Variants in ERC1 observed in about 807,000 individuals in gnomAD.
The protein encoded by ERC1 is RAB6 interacting protein 2.
A neutral mutation model predicts 132.0 loss-of-function variants in ERC1; 56 were observed. That is an observed-to-expected ratio of 0.42 (90% CI 0.34 to 0.53). The LOEUF is 0.53. Ranked by LOEUF, ERC1 falls within the 20% of genes least tolerant of loss-of-function variation. The pLI is 0.03. For missense variants in ERC1, 1,202 were observed against 1,349.9 expected (o/e 0.89, Z 1.72); for synonymous variants, 478 against 476.1 (o/e 1.00, Z -0.05).
intron 18 of ERC1, among the ~76,000 whole-genome samples, chr12:1,468,905 C>T (rs909164323): frequency 2.6e-5 from 4 of 152,172 alleles, no homozygotes; most frequent in Admixed American, 2.6e-4. Context: ...CCACTACTTC[C>T]CTGTGCAACC....
intron 12 of ERC1, among the ~76,000 whole-genome samples, chr12:1,215,528 C>A (rs114421970): frequency 6.6e-6 from 1 of 152,066 alleles, no homozygotes; most frequent in African/African-American, 2.4e-5. Context: ...TACAGTATTA[C>A]AATTTATCAG....
At chr12:1,156,617 G>A (rs921636536) in intron 8 of ERC1, among the ~76,000 whole-genome samples, 3 of 152,098 alleles carry the variant, frequency 2.0e-5, no homozygotes. Context: ...GTAAAATGTC[G>A]ATAGCTGTTT....
At chr12:1,320,175 C>G (rs758511413) in intron 15 of ERC1, among the ~76,000 whole-genome samples, 1 of 152,124 alleles carries the variant, frequency 6.6e-6, no homozygotes, top group Non-Finnish European at 1.5e-5. Flanking sequence ...TAAAGAAAAT[C>G]ATTATACTTG....
intron 18 of ERC1, chr12:1,481,022 A>G: frequency 1.6e-6 from 1 of 609,534 alleles, no homozygotes; most frequent in Middle Eastern, 2.7e-4. Context: ...TTCTATACAT[A>G]TATACCTGAG....
At chr12:1,384,775 G>T (rs2089132499) in intron 16 of ERC1, among the ~76,000 whole-genome samples, 1 of 152,190 alleles carries the variant, frequency 6.6e-6, no homozygotes, top group South Asian at 2.1e-4. Context: ...TTGGTTTTCA[G>T]GGTAGAGATG....
chr12:1,035,020 C>G (rs1322121212), intron 2 of ERC1, among the ~76,000 whole-genome samples: 1 of 152,162 alleles, frequency 6.6e-6, no homozygotes, highest in Non-Finnish European at 1.5e-5. Flanking sequence ...GTAATTACTA[C>G]ACAATCCTAA....
At chr12:1,273,756 C>T (rs1422674737) in intron 14 of ERC1, among the ~76,000 whole-genome samples, 1 of 151,876 alleles carries the variant, frequency 6.6e-6, no homozygotes, top group Non-Finnish European at 1.5e-5. Flanking sequence ...GATGGATGGT[C>T]GGTCAGTCAG....
At chr12:1,281,247 A>G (rs933939129) in intron 14 of ERC1, among the ~76,000 whole-genome samples, 1 of 152,212 alleles carries the variant, frequency 6.6e-6, no homozygotes, top group Non-Finnish European at 1.5e-5. Flanking sequence ...TTAAACTAAG[A>G]AGGAAATTTC....
chr12:1,389,229 G>A (rs534484747), intron 16 of ERC1, among the ~76,000 whole-genome samples: 8 of 152,258 alleles, frequency 5.3e-5, no homozygotes, highest in South Asian at 4.1e-4. Flanking sequence ...AGTTGAATTC[G>A]AGGTTATTTA....
At chr12:1,244,679 G>A (rs1175898113) in intron 13 of ERC1, 2 of 388,534 alleles carry the variant, frequency 5.1e-6, no homozygotes, top group African/African-American at 2.1e-5. Flanking sequence ...GTGCCACCAT[G>A]CCTGGCTAAT....
intron 1 of ERC1, among the ~76,000 whole-genome samples, chr12:1,002,603 A>G (rs954829661): frequency 1.3e-5 from 2 of 152,150 alleles, no homozygotes; most frequent in Admixed American, 1.3e-4. Context: ...GCCAAACAGT[A>G]TTCCTTCTTT....
At chr12:1,372,024 C>T (rs773808276) in intron 16 of ERC1, 47 bp downstream of exon 16, 2 of 1,600,052 alleles carry the variant, frequency 1.2e-6, no homozygotes, top group East Asian at 2.2e-5. Flanking sequence ...AGCTTTCACA[C>T]CATTCTCCAC....
intron 18 of ERC1, among the ~76,000 whole-genome samples, chr12:1,484,137 C>G (rs1470341488): frequency 6.6e-6 from 1 of 151,796 alleles, no homozygotes; most frequent in Non-Finnish European, 1.5e-5. Flanking sequence ...AACCCCATCT[C>G]TACTAAAAAT....
chr12:1,394,037 A>C (rs1179004071), intron 16 of ERC1, among the ~76,000 whole-genome samples: 3 of 86,116 alleles, frequency 3.5e-5, no homozygotes, highest in South Asian at 3.2e-4. Context: ...AAAAAAACAA[A>C]AAAAAAACCA....
At position 1,159,854 on chromosome 12, in the gene ERC1, G is replaced by A. The variant is rs377104246; in HGVS notation, c.1737+18067G>A. Among the ~76,000 whole-genome samples, 50 of 152,214 alleles carry A rather than the reference G, an allele frequency of 3.3e-4. 2 individuals carry two copies. The South Asian group carries it at 9.1e-3, about 28-fold the overall frequency. On this transcript the variant is annotated intron_variant, in intron 8 of 18. Transcript: ENST00000360905. ...GGGCTACTCAGTGAAACTCACTAAC[G>A]TTCAGTTTCTTCATCTGTAGAGTGG...
intron 15 of ERC1, among the ~76,000 whole-genome samples, chr12:1,305,350 GTAAAGTTTTTCTAAAGGTCTCTATTTT>G (rs1457962559): frequency 6.6e-6 from 1 of 152,152 alleles, no homozygotes; most frequent in Non-Finnish European, 1.5e-5. Flanking sequence ...GGGCTAGTAA[GTAAAGTTTTTCTAAAGGTCTCTATTTT>G]TACAGGGATA....
chr12:1,490,041 C>T, intron 18 of ERC1, 52 bp from the exon 19 acceptor site: 1 of 1,574,728 alleles, frequency 6.4e-7, no homozygotes, highest in Middle Eastern at 1.7e-4. Context: ...ATTCTTAGCT[C>T]AGTGCAAATG....
At chr12:1,204,818 T>A (rs1259722297) in intron 12 of ERC1, among the ~76,000 whole-genome samples, 2 of 152,140 alleles carry the variant, frequency 1.3e-5, no homozygotes, top group Non-Finnish European at 2.9e-5. Flanking sequence ...TTAATGTAAT[T>A]GAACATTCAG....
intron 15 of ERC1, among the ~76,000 whole-genome samples, chr12:1,309,519 G>A (rs1030013821): frequency 3.9e-5 from 6 of 152,084 alleles, no homozygotes; most frequent in Admixed American, 3.9e-4. Flanking sequence ...GAATGATTAT[G>A]AATTTCTTCA....
Sources: allele counts gnomAD v4.1 joint callset (sites outside exome capture counted in the v4.1 genomes callset), GRCh38; gene constraint gnomAD v4.1.1; transcripts MANE v1.5; gene names NCBI Gene and HGNC (gene_info 2026-07-23, HGNC 2026-07-21).